The following DCLK1 variants were observed in gnomAD, a reference collection of about 807,000 sequenced individuals.
DCLK1 encodes the protein doublecortin like kinase 1, also known as serine/threonine-protein kinase DCLK1.
Under a neutral mutation model 86.2 loss-of-function variants are expected in DCLK1, and 16 were observed. The observed-to-expected ratio is 0.19, with a 90% CI of 0.13 to 0.28. The LOEUF (loss-of-function observed/expected upper bound fraction) is 0.28, where lower values mean the gene tolerates loss of function less well. Ranked by LOEUF, DCLK1 falls within the 10% of genes least tolerant of loss-of-function variation. The probability of loss-of-function intolerance (pLI) is 1.00; values close to 1 mark genes in which losing one functional copy is unlikely to be tolerated. For missense variants in DCLK1, 590 were observed against 940.2 expected (o/e 0.63, Z 4.87); for synonymous variants, 369 against 370.5 (o/e 1.00, Z 0.05).
chr13:35,823,066 A>G (rs2087434752), intron 10 of DCLK1, among the ~76,000 whole-genome samples, 191 bp from the exon 11 acceptor site: 1 of 152,000 alleles, frequency 6.6e-6, no homozygotes, highest in South Asian at 2.1e-4. Context: ...CACTACAAAA[A>G]CCAGTGGCAT....
intron 4 of DCLK1, among the ~76,000 whole-genome samples, chr13:35,929,388 A>G (rs1040907373): frequency 8.5e-5 from 13 of 152,200 alleles, no homozygotes; most frequent in Non-Finnish European, 1.5e-4. Flanking sequence ...GAGCTAATAA[A>G]TTCAAAAGCT....
chr13:35,915,609 G>A (rs911606486), intron 4 of DCLK1, among the ~76,000 whole-genome samples: 2 of 152,132 alleles, frequency 1.3e-5, no homozygotes, highest in African/African-American at 4.8e-5. Flanking sequence ...GGAGGCTGAG[G>A]TGGGAGAATA....
intron 3 of DCLK1, among the ~76,000 whole-genome samples, chr13:36,109,577 G>C (rs1885536765): frequency 6.6e-6 from 1 of 152,152 alleles, no homozygotes; most frequent in African/African-American, 2.4e-5. Context: ...TTTGAACAAT[G>C]CTCAATAAAG....
Position 36,090,666 on chromosome 13 carries a change from A to C in DCLK1, c.723+21203T>G, listed in dbSNP as rs527573185. Among the ~76,000 whole-genome samples the C allele has an allele frequency of 5.9e-5, 9 of 152,276 alleles. No individual in the cohort carries two copies. The South Asian group carries it at 1.7e-3, about 28-fold the overall frequency. ...GGTCCAGGCCCACCGTGAGAGCTTG[A>C]ACGCATGCGTGGAGAAGGGTAACTG... On this transcript the variant is annotated intron_variant, in intron 3 of 16. Coordinates refer to ENST00000360631, the MANE Select transcript of DCLK1 (RefSeq NM_001330071.2).
chr13:36,025,618 A>G (rs906602630), intron 3 of DCLK1, among the ~76,000 whole-genome samples: 2 of 152,206 alleles, frequency 1.3e-5, no homozygotes, highest in Admixed American at 1.3e-4. Flanking sequence ...ATTTTCAGGC[A>G]AAAGAATGCA....
chr13:36,078,209 AAT>A (rs1884280810), intron 3 of DCLK1, among the ~76,000 whole-genome samples: 1 of 152,212 alleles, frequency 6.6e-6, no homozygotes, highest in African/African-American at 2.4e-5. Context: ...ATAAGAACTG[AAT>A]CTGCCAGCAC....
chr13:36,095,278 T>C (rs1452711768), intron 3 of DCLK1, among the ~76,000 whole-genome samples: 2 of 152,012 alleles, frequency 1.3e-5, no homozygotes, highest in African/African-American at 4.8e-5. Context: ...TGATCTTGGC[T>C]CACTGCAACT....
chr13:36,077,045 G>A (rs1261617604), intron 3 of DCLK1, among the ~76,000 whole-genome samples: 2 of 152,108 alleles, frequency 1.3e-5, no homozygotes, highest in Non-Finnish European at 2.9e-5. Flanking sequence ...GAAAATATAG[G>A]TAGAAGAATA....
chr13:35,924,437 G>A (rs1336728405), intron 4 of DCLK1, among the ~76,000 whole-genome samples: 1 of 152,106 alleles, frequency 6.6e-6, no homozygotes, highest in Admixed American at 6.5e-5. Flanking sequence ...ATCGCCTGAA[G>A]TCAGGGGTTT....
chr13:36,030,953 C>T (rs1882245036), intron 3 of DCLK1, among the ~76,000 whole-genome samples: 1 of 152,100 alleles, frequency 6.6e-6, no homozygotes. Context: ...GTTCCCTTAG[C>T]AACTCGAAGA....
At chr13:36,095,159 A>C (rs2322888) in intron 3 of DCLK1, among the ~76,000 whole-genome samples, 65,474 of 126,580 alleles carry the variant, frequency 0.52, 14,329 homozygotes, top group East Asian at 0.66. Flanking sequence ...ATATCTCTCT[A>C]TCTCTCTCTC....
chr13:35,851,132 C>T (rs1324189789), intron 6 of DCLK1, among the ~76,000 whole-genome samples: 3 of 152,272 alleles, frequency 2.0e-5, no homozygotes, highest in East Asian at 1.9e-4. Flanking sequence ...AGAAAAGGAA[C>T]GTGCTTACCT....
At chr13:36,004,460 G>A (rs1442644782) in intron 3 of DCLK1, among the ~76,000 whole-genome samples, 1 of 152,074 alleles carries the variant, frequency 6.6e-6, no homozygotes, top group East Asian at 1.9e-4. Context: ...GTAAAGGGCT[G>A]GGGTGGGGGA....
intron 3 of DCLK1, among the ~76,000 whole-genome samples, chr13:35,992,407 A>G (rs9546042): frequency 0.085 from 12,873 of 151,532 alleles, 775 homozygotes; most frequent in African/African-American, 0.16. Flanking sequence ...TGTGGCTGCC[A>G]TTCCTTACTT....
At chr13:35,812,149 G>A (rs941898629) in intron 11 of DCLK1, among the ~76,000 whole-genome samples, 2 of 152,086 alleles carry the variant, frequency 1.3e-5, no homozygotes, top group Non-Finnish European at 2.9e-5. Context: ...TTTAATTCCA[G>A]CCACGATCAA....
intron 3 of DCLK1, among the ~76,000 whole-genome samples, chr13:35,984,584 A>G (rs1475118122): frequency 6.6e-6 from 1 of 152,226 alleles, no homozygotes; most frequent in Non-Finnish European, 1.5e-5. Flanking sequence ...TCTGCTCGCT[A>G]AAGTCTATTT....
chr13:35,899,388 AGAAAG>A (rs1874213193), intron 4 of DCLK1, among the ~76,000 whole-genome samples: 1 of 150,816 alleles, frequency 6.6e-6, no homozygotes, highest in African/African-American at 2.4e-5. Flanking sequence ...AGAGAGAGAG[AGAAAG>A]AAGACAATTA....
At chr13:36,020,008 G>C (rs143538738) in intron 3 of DCLK1, among the ~76,000 whole-genome samples, 1 of 152,082 alleles carries the variant, frequency 6.6e-6, no homozygotes, top group East Asian at 1.9e-4. Context: ...GTGAGTTCTC[G>C]TTTTATTAGT....
chr13:35,976,709 TA>T (rs1879361904), intron 3 of DCLK1, among the ~76,000 whole-genome samples: 1 of 151,434 alleles, frequency 6.6e-6, no homozygotes, highest in Admixed American at 6.6e-5. Context: ...TTTTTTTTTG[TA>T]TTTTTAGTAG....
Sources: allele counts gnomAD v4.1 joint callset (sites outside exome capture counted in the v4.1 genomes callset), GRCh38; gene constraint gnomAD v4.1.1; transcripts MANE v1.5; gene names NCBI Gene and HGNC (gene_info 2026-07-23, HGNC 2026-07-21).